ME3: variants seen among roughly 807,000 people sequenced by gnomAD.
The protein encoded by ME3 is NADP-dependent malic enzyme, mitochondrial.
ME3 carries 48 observed loss-of-function variants against 68.9 expected under a neutral mutation model. The observed-to-expected ratio is 0.70, with a 90% confidence interval of 0.55 to 0.89. The LOEUF is 0.89. Ranked by LOEUF, ME3 falls within the 40% of genes least tolerant of loss-of-function variation. ME3 has a pLI of 0.00. For missense variants in ME3, 675 were observed against 797.4 expected, an observed-to-expected ratio of 0.85 and a Z score of 1.85; for synonymous variants, 320 against 318.8, an observed-to-expected ratio of 1.00 and a Z score of -0.04.
intron 2 of ME3, among the ~76,000 whole-genome samples, chr11:86,560,326 T>C (rs991312147): frequency 6.6e-6 from 1 of 152,178 alleles, no homozygotes; most frequent in South Asian, 2.1e-4. Flanking sequence ...CCTGCTGCCA[T>C]GTAAGATGTG....
At chr11:86,482,367 G>C (rs138682781) in intron 7 of ME3, among the ~76,000 whole-genome samples, 2 of 152,204 alleles carry the variant, frequency 1.3e-5, no homozygotes, top group African/African-American at 4.8e-5. Flanking sequence ...CTGGTGTACA[G>C]CAGGTACTAG....
intron 4 of ME3, among the ~76,000 whole-genome samples, chr11:86,536,443 AAAAC>A (rs1300076352): frequency 3.9e-5 from 5 of 128,544 alleles, no homozygotes; most frequent in East Asian, 2.1e-4. Context: ...TTACAAGAAA[AAAAC>A]AAACAACCCC....
chr11:86,452,599 G>A lies in ME3; in HGVS notation c.920-2201C>T, dbSNP rs531507445. ...AAACATGGAATGGAAGGTTGAGGAA[G>A]AAATTTATAAAAATCATCTTTGACT... On this transcript the variant is annotated intron_variant, in intron 8 of 14. Transcript: ENST00000543262. Among the ~76,000 whole-genome samples, 5 of 152,204 alleles carry A rather than the reference G, an allele frequency of 3.3e-5. No individual in the cohort carries two copies. The East Asian group carries it at 7.7e-4, about 23-fold the overall frequency.
chr11:86,520,994 G>A (rs1032534399), intron 4 of ME3, among the ~76,000 whole-genome samples: 7 of 152,134 alleles, frequency 4.6e-5, no homozygotes, highest in African/African-American at 1.7e-4. Context: ...TCTGTGACTC[G>A]GAGCTAGACA....
intron 2 of ME3, among the ~76,000 whole-genome samples, chr11:86,598,392 G>T (rs1374444589): frequency 6.6e-6 from 1 of 152,240 alleles, no homozygotes; most frequent in Non-Finnish European, 1.5e-5. Context: ...CAGCAAGGCT[G>T]GGGGAGGGGC....
intron 2 of ME3, among the ~76,000 whole-genome samples, chr11:86,560,553 T>G (rs1457462204): frequency 2.0e-5 from 3 of 151,930 alleles, no homozygotes; most frequent in African/African-American, 7.3e-5. Context: ...AGTGTCCCGA[T>G]TATTAACATT....
chr11:86,475,874 T>TATATAGAGAGAGAGAGAGAGAGAGAGAG, intron 7 of ME3, among the ~76,000 whole-genome samples: 1 of 91,470 alleles, frequency 1.1e-5, no homozygotes, highest in African/African-American at 5.0e-5. Context: ...TATATATATA[T>TATATAGAGAGAGAGAGAGAGAGAGAGAG]AGAGAGAGAG....
chr11:86,524,669 G>T (rs1034447295), intron 4 of ME3, among the ~76,000 whole-genome samples: 8 of 152,150 alleles, frequency 5.3e-5, no homozygotes, highest in Non-Finnish European at 1.0e-4. Context: ...AGCTATCATT[G>T]CATATTAGTT....
At chr11:86,632,088 A>G (rs1944053617) in intron 2 of ME3, among the ~76,000 whole-genome samples, 1 of 152,240 alleles carries the variant, frequency 6.6e-6, no homozygotes, top group Non-Finnish European at 1.5e-5. Context: ...ACTGAGGCTT[A>G]AAGAGGCTAA....
At chr11:86,574,181 T>C (rs1260823693) in intron 2 of ME3, among the ~76,000 whole-genome samples, 1 of 152,212 alleles carries the variant, frequency 6.6e-6, no homozygotes, top group African/African-American at 2.4e-5. Context: ...GAGTTTGTTA[T>C]TACCCACCTT....
At chr11:86,609,951 C>T (rs4245423) in intron 2 of ME3, among the ~76,000 whole-genome samples, 60,659 of 152,060 alleles carry the variant, frequency 0.4, 12,734 homozygotes, top group East Asian at 0.71. Flanking sequence ...TTTCTTTATG[C>T]GCTCTGCATT....
chr11:86,531,311 A>C (rs1372389227), intron 4 of ME3, among the ~76,000 whole-genome samples: 4 of 152,302 alleles, frequency 2.6e-5, no homozygotes, highest in Non-Finnish European at 5.9e-5. Flanking sequence ...ACCATCTCAC[A>C]CCAGTTAGAA....
intron 7 of ME3, among the ~76,000 whole-genome samples, chr11:86,480,999 G>A (rs1951373262): frequency 1.3e-5 from 2 of 152,170 alleles, no homozygotes; most frequent in South Asian, 2.1e-4. Context: ...AGCTGGGGCC[G>A]CACAAGTTGC....
At chr11:86,665,133 C>T (rs1341177435) in intron 2 of ME3, among the ~76,000 whole-genome samples, 2 of 152,186 alleles carry the variant, frequency 1.3e-5, no homozygotes, top group Admixed American at 1.3e-4. Flanking sequence ...TAACTGCTTA[C>T]GAGCACCAAC....
At chr11:86,524,198 G>A (rs1954553334) in intron 4 of ME3, among the ~76,000 whole-genome samples, 1 of 152,152 alleles carries the variant, frequency 6.6e-6, no homozygotes, top group Non-Finnish European at 1.5e-5. Flanking sequence ...CTGGGTCTCT[G>A]GGCAGTAAGT....
At chr11:86,506,809 G>C (rs934078240) in intron 5 of ME3, among the ~76,000 whole-genome samples, 1 of 152,228 alleles carries the variant, frequency 6.6e-6, no homozygotes, top group Non-Finnish European at 1.5e-5. Context: ...CAGGACCCCA[G>C]CAGCATATCC....
chr11:86,450,606 C>T (rs1208975327), intron 8 of ME3, among the ~76,000 whole-genome samples: 1 of 152,198 alleles, frequency 6.6e-6, no homozygotes, highest in African/African-American at 2.4e-5. Flanking sequence ...GAAACAGCTC[C>T]TGATTTGTTA....
chr11:86,665,906 G>A (rs1403758627), intron 2 of ME3, among the ~76,000 whole-genome samples: 4 of 152,298 alleles, frequency 2.6e-5, no homozygotes, highest in South Asian at 4.2e-4. Flanking sequence ...GAAGAGGACT[G>A]GAAATTGGGA....
At chr11:86,543,086 T>C (rs1956146019) in intron 4 of ME3, among the ~76,000 whole-genome samples, 1 of 152,154 alleles carries the variant, frequency 6.6e-6, no homozygotes, top group African/African-American at 2.4e-5. Context: ...ATAAAATCCT[T>C]TACAGACAAG....
Sources: gnomAD v4.1 joint callset for allele counts (sites outside exome capture counted in the v4.1 genomes callset) on GRCh38, gnomAD v4.1.1 for gene constraint, MANE v1.5 for transcripts, NCBI Gene and HGNC (gene_info 2026-07-23, HGNC 2026-07-21) for gene names.